The following SULT6B1 variants were observed in gnomAD, a reference collection of about 807,000 sequenced individuals.
SULT6B1 encodes sulfotransferase 6B1.
SULT6B1 carries 44 observed loss-of-function variants against 37.2 expected under a neutral mutation model. That is an observed-to-expected ratio of 1.18 (90% CI 0.93 to 1.52). The LOEUF is 1.52. Among genes scored for constraint, SULT6B1 ranks in the 40% most tolerant of loss-of-function variants. The probability of loss-of-function intolerance (pLI) is 0.00; values close to 1 mark genes in which losing one functional copy is unlikely to be tolerated. For missense variants in SULT6B1, 450 were observed against 361.0 expected (o/e 1.25, Z -2.00); for synonymous variants, 140 against 126.0 (o/e 1.11, Z -0.74).
chr2:37,194,879 C>CCCTCCCTTCCTT (rs1558455698), intron 1 of SULT6B1: 4 of 39,918 alleles, frequency 1.0e-4, no homozygotes, highest in South Asian at 7.9e-4. Flanking sequence ...CTCCCTCCCT[C>CCCTCCCTTCCTT]CCTTCCTTCC....
At chr2:37,189,516 C>T (rs551035944), upstream of SULT6B1, among the ~76,000 whole-genome samples, 1 of 152,330 alleles carries the variant, frequency 6.6e-6, no homozygotes, top group East Asian at 1.9e-4. Context: ...TGGCCCACTT[C>T]CAGCATCTCA....
intron 3 of SULT6B1, among the ~76,000 whole-genome samples, chr2:37,181,651 G>A (rs1261408465): frequency 2.6e-5 from 4 of 152,088 alleles, no homozygotes; most frequent in Admixed American, 1.3e-4. Context: ...CAAAGTGCTG[G>A]GATTACAGAT....
In SULT6B1 at chr2:37,179,446, C is replaced by G. The variant is rs1572460290; in HGVS notation, c.529+12G>C. The G allele has an allele frequency of 6.2e-7, 1 of 1,611,632 alleles. No individual in the cohort carries two copies. The highest frequency in any genetic ancestry group is 1.7e-5 in the Admixed American group (1 of 59,174). ...GATCAAGTAAGAATAATTCTTTTAC[C>G]AACAGCCATACCTTGTCCTTTCATG... On this transcript the variant is annotated intron_variant, in intron 4 of 6. Coordinates refer to ENST00000535679, the MANE Select transcript of SULT6B1 (RefSeq NM_001367551.1).
chr2:37,187,513 A>T, intron 1 of SULT6B1, 46 bp from the exon 2 acceptor site: 1 of 1,216,900 alleles, frequency 8.2e-7, no homozygotes, highest in Non-Finnish European at 1.2e-6. Context: ...GAGTCTTGAT[A>T]TAACAAAAGG....
upstream of SULT6B1, among the ~76,000 whole-genome samples, chr2:37,188,824 A>G (rs1336459248): frequency 6.6e-6 from 1 of 152,228 alleles, no homozygotes; most frequent in Non-Finnish European, 1.5e-5. Flanking sequence ...CCACAGGTGC[A>G]AAACAGGCTG....
intron 4 of SULT6B1, among the ~76,000 whole-genome samples, chr2:37,176,309 C>T (rs1336990829): frequency 2.3e-5 from 3 of 131,802 alleles, no homozygotes; most frequent in African/African-American, 8.5e-5. Flanking sequence ...GTCACCCCGG[C>T]TGGAGTGCAG....
At position 37,180,109 on chromosome 2, in the gene SULT6B1, A is replaced by C. The variant is rs72874045; in HGVS notation, c.403-525T>G. Among the ~76,000 whole-genome samples, 1,356 of 152,322 alleles carry C rather than the reference A, an allele frequency of 8.9e-3. 20 individuals are homozygous for C. Among genetic ancestry groups the C allele is most frequent in the African/African-American group, 0.031 (1,275 of 41,574 alleles). On this transcript the variant is annotated intron_variant, in intron 3 of 6. Transcript: ENST00000535679. ...CCTTTGGATGAGTAGCATGAAATAA[A>C]CATCGTAAAGAACAAACTGAAACCC...
At chr2:37,190,669 T>C (rs1305975566), upstream of SULT6B1, among the ~76,000 whole-genome samples, 1 of 152,160 alleles carries the variant, frequency 6.6e-6, no homozygotes, top group Non-Finnish European at 1.5e-5. Flanking sequence ...GGTGAACTAG[T>C]GTTCTAAAGT....
At chr2:37,172,773 G>C (rs898438001) in intron 5 of SULT6B1, among the ~76,000 whole-genome samples, 1 of 152,234 alleles carries the variant, frequency 6.6e-6, no homozygotes, top group Non-Finnish European at 1.5e-5. Flanking sequence ...CTCCCAAAGT[G>C]CTAGGATTAC....
chr2:37,169,286 C>G (rs1676245716), intron 6 of SULT6B1, among the ~76,000 whole-genome samples: 1 of 152,118 alleles, frequency 6.6e-6, no homozygotes, highest in Non-Finnish European at 1.5e-5. Context: ...GGTTTACATT[C>G]AATGTTCCGC....
intron 2 of SULT6B1, among the ~76,000 whole-genome samples, chr2:37,186,179 A>G (rs767827317): frequency 6.6e-6 from 1 of 151,928 alleles, no homozygotes; most frequent in South Asian, 2.1e-4. Flanking sequence ...CTAAGTCCCA[A>G]TCCAGTGGCT....
At chr2:37,184,502 G>T (rs927619323) in intron 2 of SULT6B1, among the ~76,000 whole-genome samples, 3 of 152,172 alleles carry the variant, frequency 2.0e-5, no homozygotes, top group Admixed American at 1.3e-4. Context: ...GGGAAGTAAG[G>T]CTTCAAGTTT....
At chr2:37,174,876 G>A (rs944188075) in intron 5 of SULT6B1, among the ~76,000 whole-genome samples, 4 of 151,932 alleles carry the variant, frequency 2.6e-5, no homozygotes, top group African/African-American at 9.7e-5. Flanking sequence ...TTACCAATTT[G>A]AACTATCCAT....
chr2:37,190,396 G>A (rs780123188), upstream of SULT6B1, among the ~76,000 whole-genome samples: 3 of 152,130 alleles, frequency 2.0e-5, no homozygotes, highest in Non-Finnish European at 4.4e-5. Flanking sequence ...TTACCAAGCT[G>A]TACTGTCATT....
At chr2:37,184,337 TTA>T (rs1676623715) in intron 2 of SULT6B1, among the ~76,000 whole-genome samples, 1 of 152,212 alleles carries the variant, frequency 6.6e-6, no homozygotes, top group African/African-American at 2.4e-5. Flanking sequence ...GAGAAATGTT[TTA>T]TGAGAGAAAT....
intron 6 of SULT6B1, among the ~76,000 whole-genome samples, chr2:37,169,637 C>T (rs28494956): frequency 0.11 from 17,053 of 151,976 alleles, 1,986 homozygotes; most frequent in East Asian, 0.56. Context: ...TACAGGCGCC[C>T]GCCACCACGT....
At chr2:37,172,066 T>C (rs1346739532) in intron 5 of SULT6B1, among the ~76,000 whole-genome samples, 5 of 137,740 alleles carry the variant, frequency 3.6e-5, no homozygotes, top group African/African-American at 1.1e-4. Context: ...TTTTTTTTTT[T>C]AGACAGGGTC....
intron 5 of SULT6B1, among the ~76,000 whole-genome samples, chr2:37,174,286 G>C (rs1458200645): frequency 2.2e-5 from 3 of 135,460 alleles, no homozygotes; most frequent in Non-Finnish European, 3.1e-5. Context: ...CCAGGCTGGA[G>C]TGTGGTGGCC....
intron 1 of SULT6B1, among the ~76,000 whole-genome samples, chr2:37,195,243 C>G (rs556636657): frequency 3.3e-5 from 5 of 152,310 alleles, no homozygotes; most frequent in African/African-American, 1.2e-4. Flanking sequence ...AGCCACCGCA[C>G]CAAGCCCCAA....
Sources: allele counts gnomAD v4.1 joint callset (sites outside exome capture counted in the v4.1 genomes callset), GRCh38; gene constraint gnomAD v4.1.1; transcripts MANE v1.5; gene names NCBI Gene and HGNC (gene_info 2026-07-23, HGNC 2026-07-21).